SV2C: variants seen among roughly 807,000 people sequenced by gnomAD.
The protein encoded by SV2C is synaptic vesicle glycoprotein 2C, also known as solute carrier family 22 member B3.
SV2C carries 49 observed loss-of-function variants against 79.7 expected under a neutral mutation model. The observed-to-expected ratio is 0.61, with a 90% CI of 0.49 to 0.78. SV2C has a LOEUF of 0.78. Ranked by LOEUF, SV2C falls within the 30% of genes least tolerant of loss-of-function variation. SV2C has a pLI of 0.00. For missense variants in SV2C, 833 were observed against 912.9 expected, an observed-to-expected ratio of 0.91 and a Z score of 1.13; for synonymous variants, 334 against 333.2, an observed-to-expected ratio of 1.00 and a Z score of -0.03.
chr5:76,009,435 G>A, the SV2C span, among the ~76,000 whole-genome samples: 1 of 152,152 alleles, frequency 6.6e-6, no homozygotes, highest in Non-Finnish European at 1.5e-5. Flanking sequence ...AAAACAAATA[G>A]TTCTATCAAA....
chr5:75,880,482 T>G, the SV2C span, among the ~76,000 whole-genome samples: 6 of 152,152 alleles, frequency 3.9e-5, no homozygotes, highest in Non-Finnish European at 8.8e-5. Flanking sequence ...AAACCATCAC[T>G]CTTAAGTTTA....
At chr5:76,161,296 GGTAAAGCTATTGAGACAGAAA>G (rs1211370481) in intron 2 of SV2C, among the ~76,000 whole-genome samples, 6 of 152,196 alleles carry the variant, frequency 3.9e-5, no homozygotes, top group South Asian at 2.1e-4. Flanking sequence ...TATGAAATGT[GGTAAAGCTATTGAGACAGAAA>G]GTAAAGCTAT....
intron 3 of SV2C, among the ~76,000 whole-genome samples, chr5:76,200,914 A>T (rs1050681928): frequency 6.6e-6 from 1 of 152,228 alleles, no homozygotes; most frequent in African/African-American, 2.4e-5. Context: ...AAGTGCTGGG[A>T]TTGCAGGCAT....
At position 76,148,622 on chromosome 5, in the gene SV2C, T is replaced by A. The variant is rs544551151; in HGVS notation, c.580+16292T>A. Among the ~76,000 whole-genome samples, 7 of 152,242 alleles carry A rather than the reference T, an allele frequency of 4.6e-5. No individual in the cohort carries two copies. The South Asian group carries it at 8.3e-4, about 18-fold the overall frequency. On this transcript the variant is annotated intron_variant, in intron 2 of 12. Coordinates refer to ENST00000502798, the MANE Select transcript of SV2C (RefSeq NM_014979.4). ...ACACCATCACATCTGGCTAATTTTTTAAAAAAATTTTTGTAGAGTCAGAGT... is the reference window on the plus strand; with the variant it reads ...ACACCATCACATCTGGCTAATTTTTAAAAAAAATTTTTGTAGAGTCAGAGT...
At chr5:76,215,902 A>G (rs1407253824) in intron 4 of SV2C, among the ~76,000 whole-genome samples, 1 of 150,796 alleles carries the variant, frequency 6.6e-6, no homozygotes, top group East Asian at 2.0e-4. Context: ...GTCGCCGTTT[A>G]GTAATTAGGG....
the SV2C span, among the ~76,000 whole-genome samples, chr5:76,020,694 G>GT: frequency 1.3e-5 from 2 of 152,186 alleles, no homozygotes; most frequent in African/African-American, 2.4e-5. Flanking sequence ...AGGCTAGGCT[G>GT]TGTTTCTCAG....
the SV2C span, among the ~76,000 whole-genome samples, chr5:75,968,021 C>T: frequency 1.2e-3 from 184 of 152,278 alleles, 1 homozygote; most frequent in Non-Finnish European, 2.1e-3. Context: ...CACCAATATC[C>T]GCTGTTCTGC....
At chr5:75,867,089 C>A in the SV2C span, among the ~76,000 whole-genome samples, 1 of 152,104 alleles carries the variant, frequency 6.6e-6, no homozygotes, top group African/African-American at 2.4e-5. Flanking sequence ...CGAGAGAGAA[C>A]CTAAGATAGC....
At chr5:75,984,608 TATCTATCTATCTATCA>T in the SV2C span, among the ~76,000 whole-genome samples, 1 of 146,278 alleles carries the variant, frequency 6.8e-6, no homozygotes, top group Non-Finnish European at 1.5e-5. Context: ...CCTATCTATC[TATCTATCTATCTATCA>T]TCTATCTGTC....
chr5:76,340,294 G>A (rs1749417143), intron 12 of SV2C, among the ~76,000 whole-genome samples: 1 of 152,186 alleles, frequency 6.6e-6, no homozygotes, highest in Non-Finnish European at 1.5e-5. Context: ...CCTTAGTCCA[G>A]CAGCCCAAGC....
upstream of SV2C, among the ~76,000 whole-genome samples, chr5:76,079,975 G>T (rs1746960255): frequency 6.6e-6 from 1 of 151,514 alleles, no homozygotes; most frequent in African/African-American, 2.4e-5. Flanking sequence ...GCTGAAGGAT[G>T]GTTCAACAGC....
chr5:76,285,735 T>A (rs917321257), intron 5 of SV2C, 46 bp from the exon 6 acceptor site: 2 of 1,528,320 alleles, frequency 1.3e-6, no homozygotes, highest in Non-Finnish European at 1.8e-6. Flanking sequence ...TCAGGGAGGG[T>A]AAGTGTGTCA....
At chr5:75,948,690 G>C in the SV2C span, among the ~76,000 whole-genome samples, 33,283 of 151,880 alleles carry the variant, frequency 0.22, 4,224 homozygotes, top group African/African-American at 0.33. Flanking sequence ...ATCTGGAGAA[G>C]GGATGTTTAA....
the SV2C span, among the ~76,000 whole-genome samples, chr5:75,860,693 TATAA>T: frequency 1.3e-5 from 2 of 152,136 alleles, no homozygotes; most frequent in Non-Finnish European, 2.9e-5. Context: ...CAAACTATAT[TATAA>T]GGCTACAGTA....
At chr5:76,274,931 G>T (rs1746977891) in intron 4 of SV2C, among the ~76,000 whole-genome samples, 2 of 151,958 alleles carry the variant, frequency 1.3e-5, no homozygotes, top group Non-Finnish European at 2.9e-5. Context: ...TCTGATCATT[G>T]TCCTCTTCCT....
chr5:75,921,264 C>CTGAGGAT, the SV2C span: 1 of 1,471,244 alleles, frequency 6.8e-7, no homozygotes, highest in Non-Finnish European at 9.4e-7. Flanking sequence ...ATCTGCAGGT[C>CTGAGGAT]CTCCAGGTCC....
At chr5:76,174,668 C>T (rs969799938) in intron 2 of SV2C, among the ~76,000 whole-genome samples, 1 of 152,184 alleles carries the variant, frequency 6.6e-6, no homozygotes, top group Admixed American at 6.5e-5. Flanking sequence ...TTTACTGTAG[C>T]CATTTTAAAA....
the SV2C span, among the ~76,000 whole-genome samples, chr5:75,901,157 C>T: frequency 3.5e-3 from 531 of 152,310 alleles, 1 homozygote; most frequent in African/African-American, 0.012. Context: ...AGAGGAGAGT[C>T]GCTCTGCTTT....
the SV2C span, among the ~76,000 whole-genome samples, chr5:75,954,078 T>G: frequency 1.3e-5 from 2 of 151,944 alleles, no homozygotes. Flanking sequence ...ATTGAGATGG[T>G]GATTTGTCCT....
Sources: allele counts gnomAD v4.1 joint callset (sites outside exome capture counted in the v4.1 genomes callset), GRCh38; gene constraint gnomAD v4.1.1; transcripts MANE v1.5; gene names NCBI Gene and HGNC (gene_info 2026-07-23, HGNC 2026-07-21).